CAMK4: variants seen among roughly 807,000 people sequenced by gnomAD.
CAMK4 encodes the protein calcium/calmodulin dependent protein kinase IV.
CAMK4 carries 22 observed loss-of-function variants against 44.9 expected under a neutral mutation model. The ratio of observed to expected loss-of-function variants is 0.49; its 90% CI spans 0.35 to 0.70. CAMK4 has a LOEUF of 0.70. CAMK4 is among the 30% of genes least tolerant of loss of function. The pLI is 0.01. For missense variants in CAMK4, 498 were observed against 586.8 expected (o/e 0.85, Z 1.56); for synonymous variants, 218 against 215.4 (o/e 1.01, Z -0.11).
At chr5:111,407,566 A>G (rs371345868) in intron 5 of CAMK4, among the ~76,000 whole-genome samples, 117 of 152,270 alleles carry the variant, frequency 7.7e-4, no homozygotes, top group African/African-American at 2.7e-3. Flanking sequence ...CCAAACAAGT[A>G]TATGTAGACC....
intron 2 of CAMK4, among the ~76,000 whole-genome samples, chr5:111,366,869 T>G (rs1331863344): frequency 6.6e-6 from 1 of 151,990 alleles, no homozygotes; most frequent in Non-Finnish European, 1.5e-5. Flanking sequence ...TTTTTTTCTG[T>G]GTATAAGCTT....
At chr5:111,352,252 G>A (rs1417061575) in intron 2 of CAMK4, among the ~76,000 whole-genome samples, 2 of 152,014 alleles carry the variant, frequency 1.3e-5, no homozygotes, top group East Asian at 1.9e-4. Context: ...AATAAAAAAT[G>A]AAAATAGCTA....
At chr5:111,262,081 C>T (rs915267850) in intron 1 of CAMK4, among the ~76,000 whole-genome samples, 1 of 151,550 alleles carries the variant, frequency 6.6e-6, no homozygotes, top group African/African-American at 2.4e-5. Flanking sequence ...GCCCCTCACT[C>T]TGCTGACATA....
chr5:111,223,671 G>C (rs944999567), upstream of CAMK4: 1 of 152,332 alleles, frequency 6.6e-6, no homozygotes, highest in Non-Finnish European at 1.5e-5. This position sits in a 1 kb window ranked among gnomAD's most constrained non-coding sequence, Gnocchi z 4.3. Flanking sequence ...CAGCAGCGAC[G>C]ACAGCATTTA....
intron 2 of CAMK4, among the ~76,000 whole-genome samples, chr5:111,365,697 A>G (rs1465756134): frequency 6.6e-6 from 1 of 152,106 alleles, no homozygotes; most frequent in Non-Finnish European, 1.5e-5. Flanking sequence ...GTCTTGGGGT[A>G]CATTTCTTCA....
chr5:111,465,256 G>C (rs1754784627), intron 7 of CAMK4, among the ~76,000 whole-genome samples: 1 of 151,888 alleles, frequency 6.6e-6, no homozygotes, highest in African/African-American at 2.4e-5. Context: ...AAGTCTGAAA[G>C]AGCACAAATA....
intron 2 of CAMK4, among the ~76,000 whole-genome samples, chr5:111,345,848 A>C (rs1429629113): frequency 6.6e-6 from 1 of 151,914 alleles, no homozygotes; most frequent in Non-Finnish European, 1.5e-5. Flanking sequence ...TGTTGTGAAA[A>C]CATCTCCCTC....
chr5:111,309,742 TC>T (rs1419039578), intron 1 of CAMK4, among the ~76,000 whole-genome samples: 1 of 152,160 alleles, frequency 6.6e-6, no homozygotes, highest in East Asian at 1.9e-4. Context: ...CACTAAAATG[TC>T]TGTTCTCTAA....
At chr5:111,298,135 TG>T (rs1747568011) in intron 1 of CAMK4, among the ~76,000 whole-genome samples, 2 of 152,230 alleles carry the variant, frequency 1.3e-5, no homozygotes, top group South Asian at 4.1e-4. Context: ...GATTGAGCAA[TG>T]GTATTTATTT....
At chr5:111,444,043 C>G (rs1027357322) in intron 5 of CAMK4, among the ~76,000 whole-genome samples, 19 of 152,280 alleles carry the variant, frequency 1.2e-4, no homozygotes, top group Admixed American at 9.8e-4. Flanking sequence ...CCTTCATTAC[C>G]TTCCTTTCCA....
chr5:111,227,094 G>T (rs931768659), intron 1 of CAMK4, among the ~76,000 whole-genome samples: 1 of 152,100 alleles, frequency 6.6e-6, no homozygotes, highest in Non-Finnish European at 1.5e-5. Flanking sequence ...AGCATTCGTG[G>T]GGTGCATGCT....
At chr5:111,385,208 T>G (rs1314341265) in intron 4 of CAMK4, among the ~76,000 whole-genome samples, 2 of 152,120 alleles carry the variant, frequency 1.3e-5, no homozygotes, top group South Asian at 4.1e-4. Context: ...TGTTAGAGAT[T>G]GGCCCCATAT....
intron 1 of CAMK4, among the ~76,000 whole-genome samples, chr5:111,267,941 G>A (rs1271352837): frequency 6.6e-6 from 1 of 152,130 alleles, no homozygotes; most frequent in Non-Finnish European, 1.5e-5. Flanking sequence ...GTAGCAAACG[G>A]TACTGATTAG....
intron 1 of CAMK4, among the ~76,000 whole-genome samples, chr5:111,318,084 T>C (rs935070915): frequency 7.7e-6 from 1 of 129,084 alleles, no homozygotes; most frequent in African/African-American, 2.5e-5. Flanking sequence ...TTTTCATTTA[T>C]GGCAAGAAGG....
chr5:111,351,809 A>G (rs1716566123), intron 2 of CAMK4, among the ~76,000 whole-genome samples: 2 of 152,090 alleles, frequency 1.3e-5, no homozygotes, highest in South Asian at 4.1e-4. Context: ...TATTTTATAG[A>G]TGCGTCTCCA....
chr5:111,473,510 AC>A, intron 8 of CAMK4, 124 bp downstream of exon 8: 1 of 643,434 alleles, frequency 1.6e-6, no homozygotes, highest in Non-Finnish European at 2.7e-6. Flanking sequence ...TCTGTTACAT[AC>A]TAAATGCAGT....
At chr5:111,321,621 T>C (rs1748667523) in intron 1 of CAMK4, among the ~76,000 whole-genome samples, 1 of 152,108 alleles carries the variant, frequency 6.6e-6, no homozygotes, top group Non-Finnish European at 1.5e-5. Context: ...CAGCAGTGGG[T>C]GTAGTCTCAA....
Position 111,394,738 on chromosome 5 carries a change from C to T in CAMK4, c.415C>T (p.Arg139Ter), listed in dbSNP as rs1174385043. ...RIVEKGYYSE[R>*]DAADAVKQIL... ...TGTGGAAAAGGGATATTACAGTGAG[C>T]GAGATGCTGCAGATGCCGTTAAACA... is the stretch of plus-strand genomic sequence containing the variant. Residue 139 changes from arginine to a stop codon, truncating the protein, a stop_gained, in exon 5 of 11, where the codon CGA becomes TGA. Coordinates refer to ENST00000282356, the MANE Select transcript of CAMK4 (RefSeq NM_001744.6). LOFTEE classifies it high-confidence loss of function. 2.5e-6 allele frequency: 4 copies of T among 1,612,142 alleles called. No individual in the cohort carries two copies. Among genetic ancestry groups the T allele is most frequent in the African/African-American group, 1.3e-5 (1 of 74,780 alleles).
intron 5 of CAMK4, among the ~76,000 whole-genome samples, chr5:111,406,709 A>G (rs572906272): frequency 6.6e-6 from 1 of 152,276 alleles, no homozygotes; most frequent in South Asian, 2.1e-4. Flanking sequence ...AAGTAAACGC[A>G]AGACACAGTC....
Sources: gnomAD v4.1 joint callset for allele counts (sites outside exome capture counted in the v4.1 genomes callset) on GRCh38, gnomAD v4.1.1 for gene constraint, Gnocchi (gnomAD v3.1) non-coding constraint, MANE v1.5 for transcripts, NCBI Gene and HGNC (gene_info 2026-07-23, HGNC 2026-07-21) for gene names.